The following ITGA2 variants were observed in gnomAD, a reference collection of about 807,000 sequenced individuals.
ITGA2 encodes integrin alpha-2.
ITGA2 carries 101 observed loss-of-function variants against 146.3 expected under a neutral mutation model. The observed-to-expected ratio is 0.69, with a 90% CI of 0.59 to 0.81. The LOEUF is 0.81. Ranked by LOEUF, ITGA2 falls within the 40% of genes least tolerant of loss-of-function variation. The pLI is 0.00. For missense variants in ITGA2, 1,281 were observed against 1,402.7 expected (o/e 0.91, Z 1.39); for synonymous variants, 477 against 487.1 (o/e 0.98, Z 0.27).
chr5:52,996,346 A>G, intron 1 of ITGA2, among the ~76,000 whole-genome samples: 1 of 152,174 alleles, frequency 6.6e-6, no homozygotes, highest in East Asian at 1.9e-4. Context: ...AGGAGCTTTG[A>G]TGACTATACA....
chr5:53,093,832 T>A lies in ITGA2; in HGVS notation c.*3233T>A, dbSNP rs1374791344. On this transcript the variant is annotated 3_prime_UTR_variant, in exon 30 of 30. Coordinates refer to ENST00000296585, the MANE Select transcript of ITGA2 (RefSeq NM_002203.4). ...ACACAAGGCTTATAAAATAGTAAGA[T>A]AGTAAAATAGCTTATGAAGAAACTA... The A allele has an allele frequency of 6.6e-6, 1 of 152,606 alleles. No homozygotes were observed. Among genetic ancestry groups the A allele is most frequent in the Non-Finnish European group, 1.5e-5 (1 of 68,032 alleles). 9.5% of individuals were successfully genotyped at this position (152,606 alleles called of 1,614,324 possible). A position where few individuals can be genotyped will look rare whatever the true frequency, so the allele number is the denominator to read the frequency against.
chr5:53,026,747 G>A lies in ITGA2; in HGVS notation c.65-1G>A. 6.2e-7 allele frequency: 1 copy of A among 1,607,846 alleles called. No homozygotes were observed. Among genetic ancestry groups the A allele is most frequent in the Non-Finnish European group, 8.5e-7 (1 of 1,174,564 alleles). The stretch of plus-strand genomic sequence containing the variant: ...GTGCTATTTCATATTTTTCTTAATA[G>A]GCATTTTAAATTGTTGTTTGGCCTA... On this transcript the variant is annotated splice_acceptor_variant, in intron 1 of 29. Transcript: ENST00000296585. LOFTEE classifies it high-confidence loss of function.
rs754729020 is a variant in ITGA2 at position 53,045,099 on chromosome 5, G to C, written c.387+7G>C. ...GGGAACTGGAGGTTTTCTCGTGAGT[G>C]TTTACTTTACAAATCATTATTCCTC... On this transcript the variant is annotated splice_region_variant and intron_variant, in intron 4 of 29. Transcript: ENST00000296585. 2 of 1,601,648 alleles carry C rather than the reference G, an allele frequency of 1.2e-6. No homozygotes were observed. Among genetic ancestry groups the C allele is most frequent in the South Asian group, 2.2e-5 (2 of 90,836 alleles).
rs377228799 is a variant in ITGA2 at position 53,066,575 on chromosome 5, CATTT to C, written c.1944-542_1944-539del. The stretch of plus-strand genomic sequence containing the variant: ...GTTTATTCAATCAAGAATCTCCATT[CATTT>C]GTCTCTGTCAAAAAATGTGCTTTAA... On this transcript the variant is annotated intron_variant, in intron 15 of 29. Coordinates refer to ENST00000296585, the MANE Select transcript of ITGA2 (RefSeq NM_002203.4). Among the ~76,000 whole-genome samples the C allele has an allele frequency of 1.2e-3, 185 of 151,896 alleles. 1 individual carries two copies. In the South Asian group the frequency reaches 0.027, roughly 22 times the overall value.
intron 6 of ITGA2, 47 bp downstream of exon 6, chr5:53,048,817 A>G (rs747501314): frequency 6.3e-7 from 1 of 1,599,698 alleles, no homozygotes; most frequent in Non-Finnish European, 8.6e-7. Context: ...TTCTTTCTGA[A>G]AAAAATATTG....
intron 2 of ITGA2, among the ~76,000 whole-genome samples, chr5:53,030,214 A>G (rs1319377040): frequency 6.6e-6 from 1 of 152,352 alleles, no homozygotes; most frequent in East Asian, 1.9e-4. Context: ...TAAGTATCCA[A>G]GACATTGTTG....
rs1184934775 is a variant in ITGA2, at chr5:53,062,847, A to T, written c.1520A>T (p.Asp507Val). Residue 507 changes from aspartate to valine, a missense_variant, in exon 13 of 30, where the codon GAC becomes GTC. By Grantham distance (152) the Asp-to-Val change is radical. Transcript: ENST00000296585. ...GATGTGGATAAAGACACCATTACAG[A>T]CGTGCTCTTGGTAGGTGCACCAATG... ...SVDVDKDTIT[D>V]VLLVGAPMYM... is the part of the protein sequence containing the mutation. 6.2e-7 allele frequency: 1 copy of T among 1,611,762 alleles called. No individual in the cohort carries two copies. Among genetic ancestry groups the T allele is most frequent in the South Asian group, 1.1e-5 (1 of 91,024 alleles).
At chr5:52,998,140 T>C (rs888763116) in intron 1 of ITGA2, among the ~76,000 whole-genome samples, 1 of 152,178 alleles carries the variant, frequency 6.6e-6, no homozygotes, top group Non-Finnish European at 1.5e-5. Flanking sequence ...TTTTTTGCTA[T>C]GGTTCAAGTG....
Position 53,075,225 on chromosome 5 carries a change from A to G in ITGA2, c.2746A>G (p.Ser916Gly), listed in dbSNP as rs1745605823. 1 of 1,612,458 alleles carries G rather than the reference A, an allele frequency of 6.2e-7. No individual in the cohort carries two copies. The highest frequency in any genetic ancestry group is 1.3e-5 in the African/African-American group (1 of 74,828). Residue 916 changes from serine (S) to glycine (G), a missense_variant, in exon 23 of 30, where the codon AGC (serine) becomes GGC (glycine). This residue lies in a region of ITGA2 where 475 missense variants were observed against 530.5 expected (regional missense o/e 0.90). Transcript: ENST00000296585. ...TCCTAATGTTTCTTTCTATAGTGAAAGCCAAGAAGAAAACAAGGCTGATAA... is the reference window on the plus strand; with the variant it reads ...TCCTAATGTTTCTTTCTATAGTGAAGGCCAAGAAGAAAACAAGGCTGATAA... ...ASLSFQALSE[S>G]QEENKADNLV...
intron 1 of ITGA2, among the ~76,000 whole-genome samples, chr5:53,006,408 A>G (rs532579302): frequency 6.6e-6 from 1 of 152,224 alleles, no homozygotes; most frequent in Non-Finnish European, 1.5e-5. Context: ...GTTTATTTGC[A>G]TGAACATATG....
chr5:53,062,446 C>A lies in ITGA2; in HGVS notation c.1459-340C>A, dbSNP rs143437514. On this transcript the variant is annotated intron_variant, in intron 12 of 29. Transcript: ENST00000296585. ...GTTTGCCTTATAAGTATGTCTTTGACCCCCTGGCATCAGAAACACCTGGAA... is the reference window on the plus strand; with the variant it reads ...GTTTGCCTTATAAGTATGTCTTTGAACCCCTGGCATCAGAAACACCTGGAA... Among the ~76,000 whole-genome samples, 5 of 151,968 alleles carry A rather than the reference C, an allele frequency of 3.3e-5. No homozygotes were observed. The South Asian group carries it at 1.0e-3, about 32-fold the overall frequency.
chr5:53,023,368 C>T (rs1309189461), intron 1 of ITGA2, among the ~76,000 whole-genome samples: 1 of 152,214 alleles, frequency 6.6e-6, no homozygotes, highest in African/African-American at 2.4e-5. Context: ...TGAATTCCAA[C>T]TTGTCCTCCA....
chr5:53,062,726 G>T lies in ITGA2; in HGVS notation c.1459-60G>T, dbSNP rs1744954476. 9 of 1,537,342 alleles carry T rather than the reference G, an allele frequency of 5.9e-6. No homozygotes were observed. The South Asian group carries it at 9.0e-5, about 15-fold the overall frequency. On this transcript the variant is annotated intron_variant, in intron 12 of 29. Coordinates refer to ENST00000296585, the MANE Select transcript of ITGA2 (RefSeq NM_002203.4). ...TTGAATGAGCAAGTAAATGTTCAGT[G>T]TAATATTAGAAGTATATGAATCCTA...
intron 6 of ITGA2, among the ~76,000 whole-genome samples, chr5:53,049,018 T>G (rs1744226313): frequency 6.6e-6 from 1 of 152,074 alleles, no homozygotes. Context: ...ATAACTTTTT[T>G]TTTTTTTTTT....
At chr5:53,002,307 C>G (rs959942895) in intron 1 of ITGA2, among the ~76,000 whole-genome samples, 3 of 151,870 alleles carry the variant, frequency 2.0e-5, no homozygotes, top group Non-Finnish European at 4.4e-5. Context: ...CATTGAAATA[C>G]TAAACTTGAT....
chr5:53,079,646 A>G (rs1052824297), intron 24 of ITGA2, among the ~76,000 whole-genome samples: 1 of 150,034 alleles, frequency 6.7e-6, no homozygotes, highest in African/African-American at 2.5e-5. Context: ...ATTTTGTGAT[A>G]AAAAAAATCT....
At chr5:53,005,441 G>C (rs1486696028) in intron 1 of ITGA2, among the ~76,000 whole-genome samples, 2 of 152,020 alleles carry the variant, frequency 1.3e-5, no homozygotes, top group African/African-American at 2.4e-5. Context: ...AATTAGCCAA[G>C]CATTGTAGCA....
intron 2 of ITGA2, among the ~76,000 whole-genome samples, chr5:53,040,804 A>C (rs1036911187): frequency 6.6e-6 from 1 of 152,140 alleles, no homozygotes; most frequent in African/African-American, 2.4e-5. Flanking sequence ...CTAAGTGTTC[A>C]TGCTATTCTG....
chr5:53,003,564 G>A (rs532815392), intron 1 of ITGA2, among the ~76,000 whole-genome samples: 1 of 152,224 alleles, frequency 6.6e-6, no homozygotes, highest in East Asian at 1.9e-4. Context: ...CTTGCATGGT[G>A]GGTAGGGCAC....
Sources: allele counts gnomAD v4.1 joint callset (sites outside exome capture counted in the v4.1 genomes callset), GRCh38; gene constraint gnomAD v4.1.1; regional missense constraint gnomAD v4.1.1; transcripts MANE v1.5; gene names NCBI Gene and HGNC (gene_info 2026-07-23, HGNC 2026-07-21).